The following ADAMTS20 variants were observed in gnomAD, a reference collection of about 807,000 sequenced individuals.
ADAMTS20 encodes the protein A disintegrin and metalloproteinase with thrombospondin motifs 20.
In ADAMTS20, 225 loss-of-function variants were observed where a neutral mutation model predicts 260.1. That is an observed-to-expected ratio of 0.87 (90% CI 0.78 to 0.97). The LOEUF is 0.97. Among genes scored for constraint, ADAMTS20 ranks in the 50% least tolerant of loss-of-function variants. The probability of loss-of-function intolerance (pLI) is 0.00; values close to 1 mark genes in which losing one functional copy is unlikely to be tolerated. For missense variants in ADAMTS20, 2,400 were observed against 2,337.7 expected (o/e 1.03, Z -0.55); for synonymous variants, 802 against 769.5 (o/e 1.04, Z -0.70).
At chr12:43,383,240 G>T (rs1413656763) in intron 31 of ADAMTS20, among the ~76,000 whole-genome samples, 1 of 152,100 alleles carries the variant, frequency 6.6e-6, no homozygotes, top group Non-Finnish European at 1.5e-5. Flanking sequence ...TTAGTTTATG[G>T]TTCATCAATT....
In ADAMTS20 at chr12:43,551,401, A is replaced by G. The variant is rs1019713565; in HGVS notation, c.92-131T>C. On this transcript the variant is annotated intron_variant, in intron 1 of 38. Coordinates refer to ENST00000389420, the MANE Select transcript of ADAMTS20 (RefSeq NM_025003.5). The surrounding 1 kb of genome is among the most constrained non-coding windows in gnomAD (Gnocchi z 4.6). ...AGCCAGGGGCAAGACAAATGCACAC[A>G]TGCTGATGCGCACGCACACACACAC... 4.6e-6 allele frequency: 6 copies of G among 1,300,064 alleles called. No homozygotes were observed. The African/African-American group carries it at 8.9e-5, about 19-fold the overall frequency. 80.5% of individuals were successfully genotyped at this position (1,300,064 alleles called of 1,614,324 possible).
chr12:43,492,427 AG>A, intron 6 of ADAMTS20, 77 bp downstream of exon 6: 6 of 1,462,178 alleles, frequency 4.1e-6, no homozygotes, highest in Middle Eastern at 1.8e-4. Flanking sequence ...AACAAAAAAA[AG>A]AATTAAGAAG....
rs116580433 is a variant in ADAMTS20 at position 43,408,501 on chromosome 12, C to G, written c.4285-9268G>C. ...ATGTGCTAGCTGTGGGAGTTAACAG[C>G]CATAAAGCCAAGAACTATGCTTTTA... On this transcript the variant is annotated intron_variant, in intron 28 of 38. Transcript: ENST00000389420. Among the ~76,000 whole-genome samples the G allele has an allele frequency of 3.5e-3, 537 of 152,138 alleles. 1 individual carries two copies. The highest frequency in any genetic ancestry group is 0.012 in the African/African-American group (513 of 41,506).
chr12:43,528,810 G>A (rs939730873), intron 3 of ADAMTS20, among the ~76,000 whole-genome samples: 2 of 151,904 alleles, frequency 1.3e-5, no homozygotes, highest in Middle Eastern at 3.4e-3. Context: ...AATGGAACTT[G>A]AATAATCCAA....
intron 31 of ADAMTS20, among the ~76,000 whole-genome samples, chr12:43,383,320 G>A (rs1034222527): frequency 5.9e-5 from 9 of 152,134 alleles, no homozygotes; most frequent in African/African-American, 2.2e-4. Flanking sequence ...TGTTCCTGGT[G>A]GTTGGTTTCA....
intron 37 of ADAMTS20, among the ~76,000 whole-genome samples, 165 bp downstream of exon 37, chr12:43,369,125 T>C (rs1169856638): frequency 6.6e-6 from 1 of 152,174 alleles, no homozygotes; most frequent in East Asian, 1.9e-4. Flanking sequence ...CAAAGATGCT[T>C]TTCCTCCAAA....
At chr12:43,509,148 G>T (rs1942887966) in intron 3 of ADAMTS20, among the ~76,000 whole-genome samples, 1 of 151,944 alleles carries the variant, frequency 6.6e-6, no homozygotes, top group South Asian at 2.1e-4. Flanking sequence ...TCTCTTTCCA[G>T]TCTATCATTG....
intron 28 of ADAMTS20, among the ~76,000 whole-genome samples, chr12:43,410,121 G>C (rs531093776): frequency 7.6e-4 from 115 of 152,178 alleles, no homozygotes; most frequent in African/African-American, 2.7e-3. Flanking sequence ...TCATTTTTAA[G>C]GAAGGTACAG....
In ADAMTS20 at chr12:43,428,634, C is replaced by T. The variant is rs369974666; in HGVS notation, c.3654+1G>A. The T allele has an allele frequency of 1.5e-4, 241 of 1,577,800 alleles. No homozygotes were observed. The highest frequency in any genetic ancestry group is 2.2e-4 in the South Asian group (18 of 83,048). On this transcript the variant is annotated splice_donor_variant, in intron 25 of 38. Coordinates refer to ENST00000389420, the MANE Select transcript of ADAMTS20 (RefSeq NM_025003.5). LOFTEE classifies it high-confidence loss of function. ...TCTTTTTTTCTCATAAGAATACTTA[C>T]GGGTGACCAATCCCCTGCTTGCCAC...
In ADAMTS20 at chr12:43,446,147, AT is replaced by A. The variant is rs556241011; in HGVS notation, c.2197+447del. 8.1e-4 allele frequency among the ~76,000 whole-genome samples: 124 copies of A among 152,316 alleles called. 2 individuals carry two copies. Among genetic ancestry groups the A allele is most frequent in the African/African-American group, 2.6e-3 (110 of 41,572 alleles). On this transcript the variant is annotated intron_variant, in intron 15 of 38. Coordinates refer to ENST00000389420, the MANE Select transcript of ADAMTS20 (RefSeq NM_025003.5). ...CTTCAATCAACATTTTCTATGTACTATTAATAAGAAATGTAACAGATAGGTC... is the reference window on the plus strand; with the variant it reads ...CTTCAATCAACATTTTCTATGTACTATAATAAGAAATGTAACAGATAGGTC...
At position 43,428,702 on chromosome 12, in the gene ADAMTS20, G is replaced by T; in HGVS notation, c.3587C>A (p.Pro1196His). 1.9e-6 allele frequency: 3 copies of T among 1,612,218 alleles called. No individual in the cohort carries two copies. Among genetic ancestry groups the T allele is most frequent in the Non-Finnish European group, 1.7e-6 (2 of 1,178,826 alleles). The change falls in exon 25 of 39, where the codon CCC (proline) becomes CAC (histidine). Residue 1196 changes from proline (P) to histidine (H), a missense_variant. Coordinates refer to ENST00000389420, the MANE Select transcript of ADAMTS20 (RefSeq NM_025003.5). ...ACAGTCCCATATTTCAGCAGGTCGG[G>T]GTAAGTGGGCACAATATGATTCATC... Reference protein sequence around the residue: ...IADESYCAHLPRPAEIWDCFT... With the variant: ...IADESYCAHLHRPAEIWDCFT...
At chr12:43,511,634 G>T (rs1182954961) in intron 3 of ADAMTS20, among the ~76,000 whole-genome samples, 1 of 152,082 alleles carries the variant, frequency 6.6e-6, no homozygotes, top group Non-Finnish European at 1.5e-5. Context: ...TTCAGGGTAG[G>T]AACAATAATT....
At chr12:43,429,115 G>C (rs1425650271) in intron 24 of ADAMTS20, among the ~76,000 whole-genome samples, 2 of 151,860 alleles carry the variant, frequency 1.3e-5, no homozygotes, top group Non-Finnish European at 2.9e-5. Context: ...AGAATCTTAT[G>C]ATATCAATAA....
At chr12:43,517,625 G>A (rs1195582302) in intron 3 of ADAMTS20, among the ~76,000 whole-genome samples, 1 of 152,050 alleles carries the variant, frequency 6.6e-6, no homozygotes, top group Non-Finnish European at 1.5e-5. Context: ...ACACTGATCT[G>A]TTGACTCAAT....
At chr12:43,402,981 T>C (rs910640184) in intron 28 of ADAMTS20, among the ~76,000 whole-genome samples, 2 of 152,106 alleles carry the variant, frequency 1.3e-5, no homozygotes, top group Non-Finnish European at 2.9e-5. Context: ...ATAATTCTTA[T>C]AAATTATGTG....
intron 16 of ADAMTS20, among the ~76,000 whole-genome samples, chr12:43,442,806 G>T (rs2137331131): frequency 6.6e-6 from 1 of 152,238 alleles, no homozygotes; most frequent in Non-Finnish European, 1.5e-5. Context: ...GTATTGAGGT[G>T]AAACTGATAT....
chr12:43,428,276 T>C lies in ADAMTS20; in HGVS notation c.3910A>G (p.Arg1304Gly). Residue 1304 changes from arginine to glycine, a missense_variant, in exon 26 of 39, where the codon AGA becomes GGA. Physicochemically the swap from Arg to Gly is moderately radical, Grantham distance 125. Coordinates refer to ENST00000389420, the MANE Select transcript of ADAMTS20 (RefSeq NM_025003.5). ...GGTCCGGTTCTCCACTGGTTTCCTCTGACTGATGGATGGACCACCTGATTT... is the reference window on the plus strand; with the variant it reads ...GGTCCGGTTCTCCACTGGTTTCCTCCGACTGATGGATGGACCACCTGATTT... ...NENQVVHPSVRGNQWRTGPWG... is the reference protein window; with the variant it reads ...NENQVVHPSVGGNQWRTGPWG... 3.7e-6 allele frequency: 6 copies of C among 1,613,990 alleles called. No homozygotes were observed. The highest frequency in any genetic ancestry group is 5.1e-6 in the Non-Finnish European group (6 of 1,179,866).
At chr12:43,464,960 A>T (rs1260321500) in intron 9 of ADAMTS20, among the ~76,000 whole-genome samples, 2 of 152,126 alleles carry the variant, frequency 1.3e-5, no homozygotes, top group African/African-American at 4.8e-5. Flanking sequence ...CTTAATCCCC[A>T]CAACCATCTT....
intron 37 of ADAMTS20, among the ~76,000 whole-genome samples, chr12:43,358,100 C>T (rs1044278995): frequency 2.0e-5 from 3 of 152,174 alleles, no homozygotes; most frequent in Non-Finnish European, 4.4e-5. Flanking sequence ...TAACCAGATG[C>T]TCCTTGAGTG....
Sources: allele counts gnomAD v4.1 joint callset (sites outside exome capture counted in the v4.1 genomes callset), GRCh38; gene constraint gnomAD v4.1.1; non-coding constraint Gnocchi (gnomAD v3.1); transcripts MANE v1.5; gene names NCBI Gene and HGNC (gene_info 2026-07-23, HGNC 2026-07-21).